PCDH7: variants seen among roughly 807,000 people sequenced by gnomAD.
PCDH7 encodes the protein protocadherin-7.
In PCDH7, 17 loss-of-function variants were observed where a neutral mutation model predicts 58.9. The ratio of observed to expected loss-of-function variants is 0.29; its 90% CI spans 0.20 to 0.43. PCDH7 has a LOEUF of 0.43. PCDH7 is among the 20% of genes least tolerant of loss of function. The pLI is 1.00. For missense variants in PCDH7, 1,274 were observed against 1,441.0 expected, an observed-to-expected ratio of 0.88 and a Z score of 1.88; for synonymous variants, 664 against 616.4, an observed-to-expected ratio of 1.08 and a Z score of -1.14.
At chr4:30,772,263 T>C (rs1490970992) in intron 1 of PCDH7, among the ~76,000 whole-genome samples, 1 of 152,232 alleles carries the variant, frequency 6.6e-6, no homozygotes, top group African/African-American at 2.4e-5. Flanking sequence ...TGAATGTATT[T>C]AGTTAAAACT....
chr4:30,785,965 A>G (rs1723341866), intron 1 of PCDH7, among the ~76,000 whole-genome samples: 1 of 152,094 alleles, frequency 6.6e-6, no homozygotes, highest in Admixed American at 6.6e-5. Context: ...TCTGGCACCG[A>G]AAGTAGAAAT....
intron 3 of PCDH7, among the ~76,000 whole-genome samples, chr4:30,986,434 A>G (rs1750972272): frequency 6.6e-6 from 1 of 152,162 alleles, no homozygotes; most frequent in South Asian, 2.1e-4. Flanking sequence ...ACAAACAAGG[A>G]AAAAACCCAC....
At chr4:30,813,932 G>A (rs903388172) in intron 1 of PCDH7, among the ~76,000 whole-genome samples, 7 of 152,204 alleles carry the variant, frequency 4.6e-5, no homozygotes, top group East Asian at 1.9e-4. Flanking sequence ...GAGCTACCGC[G>A]CCCAATCGGC....
intron 3 of PCDH7, among the ~76,000 whole-genome samples, chr4:31,102,041 A>C (rs1714958336): frequency 6.6e-6 from 1 of 152,256 alleles, no homozygotes; most frequent in African/African-American, 2.4e-5. Context: ...ATGTTTTCAT[A>C]TCTTCCAGTA....
intron 1 of PCDH7, among the ~76,000 whole-genome samples, chr4:30,833,642 A>T (rs1730091749): frequency 6.6e-6 from 1 of 152,118 alleles, no homozygotes; most frequent in Admixed American, 6.5e-5. Flanking sequence ...TTGGGAGGAG[A>T]GTCTTTATTC....
intron 3 of PCDH7, among the ~76,000 whole-genome samples, chr4:31,092,677 C>T (rs1713412622): frequency 6.6e-6 from 1 of 152,030 alleles, no homozygotes; most frequent in African/African-American, 2.4e-5. Flanking sequence ...TTAAGAGCCT[C>T]TAATTATTCA....
intron 3 of PCDH7, among the ~76,000 whole-genome samples, chr4:30,972,551 G>T (rs771245880): frequency 6.6e-6 from 1 of 152,142 alleles, no homozygotes; most frequent in Non-Finnish European, 1.5e-5. Context: ...CTTCCAGTGA[G>T]CATAAGCCTC....
chr4:31,068,767 C>T (rs960116632), intron 3 of PCDH7, among the ~76,000 whole-genome samples: 2 of 151,948 alleles, frequency 1.3e-5, no homozygotes, highest in African/African-American at 4.8e-5. Context: ...CTCCACCTGA[C>T]ATTGTTCTTT....
At chr4:31,032,694 G>A (rs1755055550) in intron 3 of PCDH7, among the ~76,000 whole-genome samples, 1 of 142,262 alleles carries the variant, frequency 7.0e-6, no homozygotes, top group South Asian at 2.4e-4. Flanking sequence ...GAGGGAGGGA[G>A]GGAGGGAGGG....
intron 3 of PCDH7, among the ~76,000 whole-genome samples, chr4:31,038,529 CTTAT>C (rs1377244530): frequency 2.0e-5 from 3 of 151,998 alleles, no homozygotes; most frequent in Admixed American, 6.6e-5. Flanking sequence ...TTACTGCTGT[CTTAT>C]TTTTCATTAT....
chr4:30,912,467 G>A (rs1430775718), intron 1 of PCDH7, among the ~76,000 whole-genome samples: 1 of 152,156 alleles, frequency 6.6e-6, no homozygotes, highest in African/African-American at 2.4e-5. Flanking sequence ...GACAAAAAGA[G>A]TCATTAGAAT....
At chr4:30,946,670 T>C (rs1440434102) in intron 2 of PCDH7, among the ~76,000 whole-genome samples, 1 of 150,924 alleles carries the variant, frequency 6.6e-6, no homozygotes, top group Non-Finnish European at 1.5e-5. Flanking sequence ...ATTACCTCAG[T>C]ATTTAACGCC....
intron 1 of PCDH7, among the ~76,000 whole-genome samples, chr4:30,898,627 G>C (rs1739761007): frequency 6.6e-6 from 1 of 152,152 alleles, no homozygotes. Context: ...ATCTTGCTCT[G>C]TCGCCCAGGC....
chr4:30,950,309 T>C (rs1423617285), intron 3 of PCDH7: 1 of 152,610 alleles, frequency 6.6e-6, no homozygotes, highest in Non-Finnish European at 1.5e-5. Context: ...ATTCATTCAC[T>C]ACACAGAGCC....
chr4:30,793,269 G>T (rs1724362580), intron 1 of PCDH7, among the ~76,000 whole-genome samples: 1 of 152,080 alleles, frequency 6.6e-6, no homozygotes, highest in Non-Finnish European at 1.5e-5. Flanking sequence ...TTTAATACTA[G>T]GAAGAAATAC....
chr4:31,112,320 T>G (rs1716422460), intron 3 of PCDH7, among the ~76,000 whole-genome samples: 2 of 152,184 alleles, frequency 1.3e-5, no homozygotes, highest in Admixed American at 1.3e-4. Flanking sequence ...AATGAATATG[T>G]CCAGAGCTGT....
intron 3 of PCDH7, among the ~76,000 whole-genome samples, chr4:31,023,798 G>A (rs184510958): frequency 1.2e-3 from 184 of 152,212 alleles, no homozygotes; most frequent in African/African-American, 4.2e-3. Context: ...TTCTATTATA[G>A]CAAAGAAAGA....
chr4:31,023,694 CTCCT>C (rs1358701094), intron 3 of PCDH7, among the ~76,000 whole-genome samples: 13 of 152,132 alleles, frequency 8.5e-5, no homozygotes, highest in African/African-American at 2.9e-4. Flanking sequence ...TTTTGTATTC[CTCCT>C]TCCTTCCTTC....
chr4:30,999,076 C>A (rs909113028), intron 3 of PCDH7, among the ~76,000 whole-genome samples: 1 of 152,032 alleles, frequency 6.6e-6, no homozygotes, highest in Admixed American at 6.6e-5. Context: ...GCAGAAAGAG[C>A]CTTGGACTTA....
Sources: allele counts gnomAD v4.1 joint callset (sites outside exome capture counted in the v4.1 genomes callset), GRCh38; gene constraint gnomAD v4.1.1; transcripts MANE v1.5; gene names NCBI Gene and HGNC (gene_info 2026-07-23, HGNC 2026-07-21).